The following NINJ2 variants were observed in gnomAD, a reference collection of about 807,000 sequenced individuals.
The protein encoded by NINJ2 is ninjurin-2.
Under a neutral mutation model 11.7 loss-of-function variants are expected in NINJ2, and 12 were observed. That is an observed-to-expected ratio of 1.02 (90% CI 0.66 to 1.66). The LOEUF is 1.66. Ranked by LOEUF, NINJ2 falls within the 40% of genes most tolerant of loss-of-function variation. The pLI, the probability that NINJ2 is intolerant of heterozygous loss-of-function variation, is 0.00. For synonymous variants in NINJ2, 93 were observed against 76.8 expected, an observed-to-expected ratio of 1.21 and a Z score of -1.10; for missense variants, 187 against 181.8, an observed-to-expected ratio of 1.03 and a Z score of -0.16.
intron 2 of NINJ2, 175 bp from the exon 3 acceptor site, chr12:565,576 A>G (rs1947284992): frequency 4.5e-6 from 3 of 663,110 alleles, no homozygotes; most frequent in African/African-American, 1.8e-5. Flanking sequence ...AACCAGTACA[A>G]TGGGGCACCC....
intron 1 of NINJ2, among the ~76,000 whole-genome samples, chr12:653,263 C>T (rs555598824): frequency 4.3e-4 from 65 of 152,076 alleles, no homozygotes; most frequent in African/African-American, 1.5e-3. Flanking sequence ...CCGTGATCTG[C>T]CCGCCTCTGC....
intron 1 of NINJ2, among the ~76,000 whole-genome samples, chr12:599,344 G>A (rs556657069): frequency 3.9e-5 from 6 of 152,168 alleles, no homozygotes; most frequent in East Asian, 3.9e-4. Flanking sequence ...AGATTGCGCC[G>A]TCGCACTACA....
intron 1 of NINJ2, among the ~76,000 whole-genome samples, chr12:601,645 C>A (rs1204425724): frequency 6.6e-6 from 1 of 152,180 alleles, no homozygotes; most frequent in Non-Finnish European, 1.5e-5. Flanking sequence ...AGGTGGTTCA[C>A]CTCAGGTCAG....
At chr12:638,639 T>C (rs956427142) in intron 1 of NINJ2, among the ~76,000 whole-genome samples, 2 of 152,244 alleles carry the variant, frequency 1.3e-5, no homozygotes, top group Admixed American at 6.5e-5. Context: ...ATGGTCTTGA[T>C]GTCCTGACCT....
rs565043596 is a variant in NINJ2 at position 574,869 on chromosome 12, G to A, written c.34-8691C>T. ...ACCCTAGCTGGTCCTCCTCTGAAGT[G>A]GGAATAATATCTGCCCTGTCTAGCA... On this transcript the variant is annotated intron_variant, in intron 1 of 3. Transcript: ENST00000305108. Among the ~76,000 whole-genome samples, 14 of 152,344 alleles carry A rather than the reference G, an allele frequency of 9.2e-5. 1 individual carries two copies. In the South Asian group the frequency reaches 1.2e-3, roughly 14 times the overall value.
chr12:614,533 C>G lies in NINJ2; in HGVS notation c.34-48355G>C, dbSNP rs753120034. 1.7e-4 allele frequency among the ~76,000 whole-genome samples: 26 copies of G among 152,276 alleles called. No homozygotes were observed. The highest frequency in any genetic ancestry group is 6.8e-3 in the Middle Eastern group (2 of 294). On this transcript the variant is annotated intron_variant, in intron 1 of 3. Transcript: ENST00000305108. The surrounding 1 kb of genome is among the most constrained non-coding windows in gnomAD (Gnocchi z 5.1). The stretch of plus-strand genomic sequence containing the variant: ...TGGCACTCTTCCCTCACAGTCCTGC[C>G]GGGCCTGGCTCCCTCCCTCTGTCTT...
intron 1 of NINJ2, among the ~76,000 whole-genome samples, chr12:588,167 C>CGGAAGGGACGGAAGGGACGGAAGGGAG (rs1565625930): frequency 1.2e-4 from 16 of 128,070 alleles, no homozygotes; most frequent in South Asian, 1.1e-3. Flanking sequence ...AGGGAAGGGA[C>CGGAAGGGACGGAAGGGACGGAAGGGAG]GGAAGGGACG....
At chr12:659,306 G>A (rs1937925232) in intron 1 of NINJ2, among the ~76,000 whole-genome samples, 1 of 151,966 alleles carries the variant, frequency 6.6e-6, no homozygotes, top group Non-Finnish European at 1.5e-5. Context: ...CCATCAACAT[G>A]CAGCACAGGT....
chr12:632,130 G>C (rs1948291441), intron 1 of NINJ2: 1 of 152,074 alleles, frequency 6.6e-6, no homozygotes, highest in South Asian at 2.1e-4. Flanking sequence ...AAGGGACATG[G>C]GGGACCCGGG....
chr12:657,136 AAAT>A (rs1402121103), intron 1 of NINJ2, among the ~76,000 whole-genome samples: 3 of 152,250 alleles, frequency 2.0e-5, no homozygotes, highest in African/African-American at 7.2e-5. Flanking sequence ...TCCATGAAAG[AAAT>A]AATAAACTGG....
Position 585,659 on chromosome 12 carries a change from A to G in NINJ2, c.34-19481T>C, listed in dbSNP as rs1947627777. On this transcript the variant is annotated intron_variant, in intron 1 of 3. Coordinates refer to ENST00000305108, the MANE Select transcript of NINJ2 (RefSeq NM_016533.6). This position sits in a 1 kb window ranked among gnomAD's most constrained non-coding sequence, Gnocchi z 4.1. ...ATCGATTAAGCACCCACTGTGTGCAATGTCCTGAACTCTGTGCTGAGATGA... is the reference window on the plus strand; with the variant it reads ...ATCGATTAAGCACCCACTGTGTGCAGTGTCCTGAACTCTGTGCTGAGATGA... 6.6e-6 allele frequency among the ~76,000 whole-genome samples: 1 copy of G among 152,060 alleles called. No homozygotes were observed. Among genetic ancestry groups the G allele is most frequent in the South Asian group, 2.1e-4 (1 of 4,828 alleles).
At chr12:656,712 G>C (rs1259581401) in intron 1 of NINJ2, among the ~76,000 whole-genome samples, 1 of 150,764 alleles carries the variant, frequency 6.6e-6, no homozygotes, top group East Asian at 1.9e-4. Flanking sequence ...TTGCGCCACT[G>C]CACTGTAGCC....
At chr12:572,312 C>T (rs529745293) in intron 1 of NINJ2, among the ~76,000 whole-genome samples, 44 of 152,308 alleles carry the variant, frequency 2.9e-4, no homozygotes, top group South Asian at 1.0e-3. Context: ...TGTGTGCCAG[C>T]GCACAGTCAG....
At position 622,337 on chromosome 12, in the gene NINJ2, GAA is replaced by G. The variant is rs555350856; in HGVS notation, c.33+40989_33+40990del. 7.4e-4 allele frequency among the ~76,000 whole-genome samples: 104 copies of G among 140,140 alleles called. 2 individuals carry two copies. Among genetic ancestry groups the G allele is most frequent in the Admixed American group, 7.1e-3 (91 of 12,840 alleles). 91.9% of individuals were successfully genotyped at this position (140,140 alleles called of 152,430 possible). On this transcript the variant is annotated intron_variant, in intron 1 of 3. Coordinates refer to ENST00000305108, the MANE Select transcript of NINJ2 (RefSeq NM_016533.6). The stretch of plus-strand genomic sequence containing the variant: ...AAGCAGGAGAATGGCATGAACCCGG[GAA>G]GCGGAGCTTGCTGTGAGCTGAGATC...
intron 1 of NINJ2, among the ~76,000 whole-genome samples, chr12:602,449 G>A (rs1592090419): frequency 6.6e-6 from 1 of 152,198 alleles, no homozygotes; most frequent in African/African-American, 2.4e-5. Context: ...TCATGCTGTA[G>A]CATGTTTCAG....
intron 1 of NINJ2, chr12:586,506 A>C (rs1359640630): frequency 1.3e-5 from 2 of 152,242 alleles, no homozygotes; most frequent in African/African-American, 2.4e-5. Flanking sequence ...GCAAAATACA[A>C]AGGCCAACGC....
Position 592,783 on chromosome 12 carries a change from G to C in NINJ2, c.34-26605C>G, listed in dbSNP as rs566630733. Among the ~76,000 whole-genome samples the C allele has an allele frequency of 1.1e-4, 17 of 152,292 alleles. 1 individual carries two copies. In the South Asian group the frequency reaches 3.3e-3, roughly 30 times the overall value. ...ACTAAGGAATGTAGTCCAAGTCCAA[G>C]CTCTGTTCAGGGATAAATACTGTCA... On this transcript the variant is annotated intron_variant, in intron 1 of 3. Coordinates refer to ENST00000305108, the MANE Select transcript of NINJ2 (RefSeq NM_016533.6).
chr12:657,078 A>T (rs1417285060), intron 1 of NINJ2, among the ~76,000 whole-genome samples: 1 of 152,230 alleles, frequency 6.6e-6, no homozygotes, highest in East Asian at 1.9e-4. Flanking sequence ...AATCTAGATG[A>T]CCTTGAATAT....
intron 1 of NINJ2, among the ~76,000 whole-genome samples, chr12:657,931 C>G (rs1401358790): frequency 2.7e-5 from 4 of 150,458 alleles, no homozygotes; most frequent in African/African-American, 9.8e-5. Context: ...CAATTGCAAT[C>G]CTTGGTATCT....
Sources: gnomAD v4.1 joint callset for allele counts (sites outside exome capture counted in the v4.1 genomes callset) on GRCh38, gnomAD v4.1.1 for gene constraint, Gnocchi (gnomAD v3.1) non-coding constraint, MANE v1.5 for transcripts, NCBI Gene and HGNC (gene_info 2026-07-23, HGNC 2026-07-21) for gene names.